The following SMYD5 variants were observed in gnomAD, a reference collection of about 807,000 sequenced individuals.
The protein encoded by SMYD5 is protein-lysine N-trimethyltransferase SMYD5.
A neutral mutation model predicts 57.4 loss-of-function variants in SMYD5; 35 were observed. The ratio of observed to expected loss-of-function variants is 0.61; its 90% CI spans 0.47 to 0.81. The LOEUF (loss-of-function observed/expected upper bound fraction) is 0.81, where lower values mean the gene tolerates loss of function less well. Ranked by LOEUF, SMYD5 falls within the 30% of genes least tolerant of loss-of-function variation. The pLI is 0.00. For synonymous variants in SMYD5, 198 were observed against 189.7 expected (o/e 1.04, Z -0.36); for missense variants, 471 against 527.9 (o/e 0.89, Z 1.06).
chr2:73,214,483 C>T, intron 1 of SMYD5, 121 bp downstream of exon 1: 2 of 1,520,506 alleles, frequency 1.3e-6, no homozygotes, highest in South Asian at 1.3e-5. Flanking sequence ...CGGCCCTGCC[C>T]CTGCTCGCGG....
At chr2:73,223,197 G>T in intron 8 of SMYD5, 91 bp downstream of exon 8, 1 of 1,076,486 alleles carries the variant, frequency 9.3e-7, no homozygotes, top group South Asian at 1.3e-5. Context: ...GGATGGGGTA[G>T]GGTGGGACTC....
chr2:73,214,894 C>T, intron 1 of SMYD5: 1 of 1,155,962 alleles, frequency 8.7e-7, no homozygotes, highest in Non-Finnish European at 1.1e-6. Context: ...TATTGTGTTC[C>T]AAAAGTTCAT....
chr2:73,215,155 T>C (rs932097754), intron 1 of SMYD5, among the ~76,000 whole-genome samples: 1 of 152,216 alleles, frequency 6.6e-6, no homozygotes, highest in Admixed American at 6.5e-5. Context: ...TGTTGTATGG[T>C]ATTTTTCATC....
intron 1 of SMYD5, chr2:73,214,692 C>A (rs1241242835): frequency 6.4e-6 from 9 of 1,403,014 alleles, no homozygotes; most frequent in Non-Finnish European, 8.5e-6. Context: ...ATGTGCCGGG[C>A]AGAGAGAACT....
At chr2:73,222,632 A>T in intron 6 of SMYD5, 123 bp from the exon 7 acceptor site, 1 of 746,324 alleles carries the variant, frequency 1.3e-6, no homozygotes, top group Non-Finnish European at 2.3e-6. Context: ...CTTTGCCCCT[A>T]CGGAAAGCTC....
rs748965959 is a variant in SMYD5, at chr2:73,225,953, C to G, written c.*7C>G. On this transcript the variant is annotated 3_prime_UTR_variant, in exon 13 of 13. Transcript: ENST00000389501. ...TGAGATGACTGATGTGTGATGTTGC[C>G]CTGCCCAGAAAGGGCCCTGCCCTAG... 1 of 1,610,802 alleles carries G rather than the reference C, an allele frequency of 6.2e-7. No homozygotes were observed. Among genetic ancestry groups the G allele is most frequent in the Non-Finnish European group, 8.5e-7 (1 of 1,178,232 alleles).
At position 73,223,481 on chromosome 2, in the gene SMYD5, C is replaced by T. The variant is rs189896673; in HGVS notation, c.832C>T (p.Arg278Cys). The T allele has an allele frequency of 3.2e-5, 51 of 1,614,150 alleles. 1 individual carries two copies. The East Asian group carries it at 9.6e-4, about 30-fold the overall frequency. Residue 278 changes from arginine to cysteine, a missense_variant, in exon 9 of 13, where the codon CGT (arginine) becomes TGT (cysteine). Transcript: ENST00000389501. The stretch of plus-strand genomic sequence containing the variant: ...CACTCTGGAGTTGAAGCCTCAGGAC[C>T]GTGAGCAGCTTGACGCCTTCATTGA... ...CDTLELKPQDREQLDAFIDQL... is the reference protein window; with the variant it reads ...CDTLELKPQDCEQLDAFIDQL...
In SMYD5 at chr2:73,221,776, C is replaced by T. The variant is rs776841672; in HGVS notation, c.538-50C>T. On this transcript the variant is annotated intron_variant, in intron 5 of 12. Transcript: ENST00000389501. ...GTATTTCCCAAGTGGGCGGGAGTGC[C>T]AGTGAGAAGGTGGGTATCTGTGACC... 3.1e-6 allele frequency: 4 copies of T among 1,288,050 alleles called. No individual in the cohort carries two copies. In the South Asian group the frequency reaches 3.6e-5, roughly 11 times the overall value. 79.8% of individuals were successfully genotyped at this position (1,288,050 alleles called of 1,614,324 possible). A position where few individuals can be genotyped will look rare whatever the true frequency, so the allele number is the denominator to read the frequency against.
Position 73,223,471 on chromosome 2 carries a change from G to A in SMYD5, c.822G>A (p.Lys274=). 1.2e-6 allele frequency: 2 copies of A among 1,614,166 alleles called. No homozygotes were observed. The highest frequency in any genetic ancestry group is 1.7e-6 in the Non-Finnish European group (2 of 1,180,010). The change falls in exon 9 of 13, where the codon AAG becomes AAA. Residue 274 remains lysine (K), a synonymous_variant. Transcript: ENST00000389501. ...WVHACDTLEL[K]PQDREQLDAF... ...ATGCCTGTGACACTCTGGAGTTGAA[G>A]CCTCAGGACCGTGAGCAGCTTGACG...
At position 73,225,621 on chromosome 2, in the gene SMYD5, T is replaced by G. The variant is rs375783343; in HGVS notation, c.1036-10T>G. 14 of 1,613,976 alleles carry G rather than the reference T, an allele frequency of 8.7e-6. No individual in the cohort carries two copies. In the African/African-American group the frequency reaches 1.9e-4, roughly 21 times the overall value. ...CACAGACCATCAGACTGCACTTCTC[T>G]GCCCTACAGGAAATTTGTATCAGCT... On this transcript the variant is annotated splice_polypyrimidine_tract_variant and intron_variant, in intron 11 of 12. Coordinates refer to ENST00000389501, the MANE Select transcript of SMYD5 (RefSeq NM_006062.3).
intron 1 of SMYD5, chr2:73,214,678 G>T: frequency 7.0e-7 from 1 of 1,435,088 alleles, no homozygotes; most frequent in South Asian, 1.2e-5. Flanking sequence ...AACGGTGGGC[G>T]GGGATGTGCC....
intron 1 of SMYD5, among the ~76,000 whole-genome samples, chr2:73,215,679 C>T (rs376578253): frequency 2.0e-5 from 3 of 152,106 alleles, no homozygotes; most frequent in African/African-American, 2.4e-5. Context: ...CATTTCTTCC[C>T]TCTCGCTTCT....
chr2:73,221,828 G>A lies in SMYD5; in HGVS notation c.540G>A (p.Ala180=), dbSNP rs191426465. Residue 180 remains alanine, a splice_region_variant and synonymous_variant, in exon 6 of 13, where the codon GCG becomes GCA. Transcript: ENST00000389501. ...TTAAGTATGTTTGTTCACTGCAGGC[G>A]AAGGACAAGGACCGTTGGATCAGAC... ...MARMVATVKQ[A]KDKDRWIRLF... is the part of the protein sequence containing the mutation. The A allele has an allele frequency of 5.1e-5, 83 of 1,612,210 alleles. No individual in the cohort carries two copies. Among genetic ancestry groups the A allele is most frequent in the Admixed American group, 3.0e-4 (18 of 60,006 alleles).
At position 73,214,606 on chromosome 2, in the gene SMYD5, G is replaced by C. The variant is rs1018992729; in HGVS notation, c.96+244G>C. On this transcript the variant is annotated intron_variant, in intron 1 of 12. Coordinates refer to ENST00000389501, the MANE Select transcript of SMYD5 (RefSeq NM_006062.3). ...CCTCCCAGCGGAATTCGGCCAGCCC[G>C]CGGGAGGCCCTTCTGTGGCTGCTCG... The C allele has an allele frequency of 8.0e-6, 12 of 1,508,018 alleles. No individual in the cohort carries two copies. The Admixed American group carries it at 2.5e-4, about 31-fold the overall frequency. 93.4% of individuals were successfully genotyped at this position (1,508,018 alleles called of 1,614,324 possible).
rs145177683 is a variant in SMYD5, at chr2:73,219,685, A to G, written c.206-366A>G. 2.0e-5 allele frequency among the ~76,000 whole-genome samples: 3 copies of G among 152,274 alleles called. No homozygotes were observed. The East Asian group carries it at 5.8e-4, about 29-fold the overall frequency. ...GCTTGAGCCACCGTGCCCAACCCACACATTTCTTAAGCTAGAGAGACACAA... is the reference window on the plus strand; with the variant it reads ...GCTTGAGCCACCGTGCCCAACCCACGCATTTCTTAAGCTAGAGAGACACAA... On this transcript the variant is annotated intron_variant, in intron 2 of 12. Transcript: ENST00000389501.
At chr2:73,221,702 GGAGGAAGCCTCAGGCA>G in intron 5 of SMYD5, 108 bp from the exon 6 acceptor site, 1 of 705,492 alleles carries the variant, frequency 1.4e-6, no homozygotes, top group Non-Finnish European at 2.6e-6. Context: ...GGCAGCATTG[GGAGGAAGCCTCAGGCA>G]GAGGAAGGGC....
At chr2:73,214,686 G>A in intron 1 of SMYD5, 4 of 1,414,792 alleles carry the variant, frequency 2.8e-6, no homozygotes, top group Non-Finnish European at 3.8e-6. Context: ...GCGGGGATGT[G>A]CCGGGCAGAG....
At chr2:73,222,036 G>T in intron 6 of SMYD5, 106 bp downstream of exon 6, 2 of 733,436 alleles carry the variant, frequency 2.7e-6, no homozygotes, top group South Asian at 3.2e-5. Flanking sequence ...GCTACAGGAA[G>T]GAGTTAGAAC....
chr2:73,216,693 T>TCAA (rs1159278144), intron 1 of SMYD5, among the ~76,000 whole-genome samples: 1 of 152,090 alleles, frequency 6.6e-6, no homozygotes, highest in Admixed American at 6.5e-5. Flanking sequence ...AGACTCCATC[T>TCAA]CAACAACAAC....
Sources: gnomAD v4.1 joint callset for allele counts (sites outside exome capture counted in the v4.1 genomes callset) on GRCh38, gnomAD v4.1.1 for gene constraint, MANE v1.5 for transcripts, NCBI Gene and HGNC (gene_info 2026-07-23, HGNC 2026-07-21) for gene names.